VPS53: variants seen among roughly 807,000 people sequenced by gnomAD.
VPS53 encodes the protein VPS53 subunit of GARP complex, also known as vacuolar protein sorting-associated protein 53 homolog.
In VPS53, 70 loss-of-function variants were observed where a neutral mutation model predicts 107.0. The observed-to-expected ratio is 0.65, with a 90% confidence interval of 0.54 to 0.80. The LOEUF is 0.80. Among genes scored for constraint, VPS53 ranks in the 30% least tolerant of loss-of-function variants. VPS53 has a pLI of 0.00. For missense variants in VPS53, 917 were observed against 1,049.4 expected (o/e 0.87, Z 1.74); for synonymous variants, 409 against 393.3 (o/e 1.04, Z -0.47).
At chr17:654,746 A>AG (rs1270518677) in intron 6 of VPS53, among the ~76,000 whole-genome samples, 1 of 148,020 alleles carries the variant, frequency 6.8e-6, no homozygotes, top group Non-Finnish European at 1.5e-5. Flanking sequence ...CAAAAAAAAA[A>AG]AAAAAAAAGA....
At position 560,486 on chromosome 17, in the gene VPS53, C is replaced by T; in HGVS notation, c.1644G>A (p.Glu548=). ...GSEVAKFTLE[E]LCLICNILST... Reference sequence around the variant, plus strand: ...TCAGGATGTTACAGATGAGGCAGAGCTCCTCCAGAGTGAACTTGGCTACTT... The same window carrying T: ...TCAGGATGTTACAGATGAGGCAGAGTTCCTCCAGAGTGAACTTGGCTACTT... Residue 548 remains glutamate, a synonymous_variant, in exon 15 of 22, where the codon GAG becomes GAA. Transcript: ENST00000437048. 6.2e-7 allele frequency: 1 copy of T among 1,613,336 alleles called. No homozygotes were observed. Among genetic ancestry groups the T allele is most frequent in the Non-Finnish European group, 8.5e-7 (1 of 1,180,010 alleles).
intron 12 of VPS53, among the ~76,000 whole-genome samples, chr17:589,663 G>C (rs545780013): frequency 6.6e-6 from 1 of 152,180 alleles, no homozygotes; most frequent in Non-Finnish European, 1.5e-5. Context: ...AATGGGTACA[G>C]TGGCCTGGTG....
intron 19 of VPS53, 182 bp downstream of exon 19, chr17:532,660 C>G (rs1909684114): frequency 7.1e-7 from 1 of 1,399,858 alleles, no homozygotes; most frequent in African/African-American, 1.4e-5. Context: ...GGCGTTCAAA[C>G]AAAATTTTTA....
rs371555121 is a variant in VPS53 at position 679,298 on chromosome 17, G to A, written c.286-17403C>T. Among the ~76,000 whole-genome samples, 6 of 151,736 alleles carry A rather than the reference G, an allele frequency of 4.0e-5. 1 individual carries two copies. Among genetic ancestry groups the A allele is most frequent in the Admixed American group, 1.3e-4 (2 of 15,258 alleles). Reference sequence around the variant, plus strand: ...TGGGAGGCCGAGGCGCGCAGATCACGAGGTCAGGAGATTGAGACCATCCTG... The same window carrying A: ...TGGGAGGCCGAGGCGCGCAGATCACAAGGTCAGGAGATTGAGACCATCCTG... On this transcript the variant is annotated intron_variant, in intron 4 of 21. Coordinates refer to ENST00000437048, the MANE Select transcript of VPS53 (RefSeq NM_001128159.3).
chr17:565,912 A>G (rs985274307), intron 13 of VPS53, among the ~76,000 whole-genome samples: 1 of 152,212 alleles, frequency 6.6e-6, no homozygotes, highest in African/African-American at 2.4e-5. Flanking sequence ...CATATATTCA[A>G]GAAATAACCG....
intron 16 of VPS53, chr17:552,494 G>A (rs1475414748): frequency 6.5e-6 from 1 of 153,092 alleles, no homozygotes; most frequent in African/African-American, 2.4e-5. Context: ...ATACCACAAG[G>A]TCCTAACAGG....
intron 5 of VPS53, chr17:657,351 G>A (rs879106081): frequency 2.9e-5 from 22 of 764,806 alleles, no homozygotes; most frequent in African/African-American, 1.0e-4. Flanking sequence ...AGTTCGGACC[G>A]TGCCATCGAT....
chr17:644,433 G>A (rs1013927536), intron 7 of VPS53, among the ~76,000 whole-genome samples: 8 of 152,090 alleles, frequency 5.3e-5, no homozygotes, highest in African/African-American at 1.4e-4. Flanking sequence ...CCATCAGCAC[G>A]TAAACATAAG....
intron 13 of VPS53, among the ~76,000 whole-genome samples, chr17:566,259 G>A (rs139546736): frequency 5.9e-5 from 9 of 151,476 alleles, no homozygotes; most frequent in South Asian, 2.1e-4. Context: ...CCTGGGCCAC[G>A]GTAGGCAATG....
intron 13 of VPS53, among the ~76,000 whole-genome samples, chr17:570,886 A>G (rs1218893825): frequency 6.6e-6 from 1 of 152,178 alleles, no homozygotes; most frequent in Admixed American, 6.5e-5. Context: ...ATTAAGCAGT[A>G]ATGTTGTATC....
chr17:518,174 G>C lies in VPS53; in HGVS notation c.*954C>G, dbSNP rs1386726467. On this transcript the variant is annotated 3_prime_UTR_variant, in exon 22 of 22. Coordinates refer to ENST00000437048, the MANE Select transcript of VPS53 (RefSeq NM_001128159.3). ...GTTTCAAGGGAACCGAGTGAATCAG[G>C]GTTAACGGCTTGATATGCTGCCATT... The C allele has an allele frequency of 6.6e-6, 1 of 152,140 alleles. No individual in the cohort carries two copies. The highest frequency in any genetic ancestry group is 2.4e-5 in the African/African-American group (1 of 41,446). The allele number at this position is 152,140 out of a possible 1,614,324, so 9.4% of individuals were successfully genotyped here. A position where few individuals can be genotyped will look rare whatever the true frequency, so the allele number is the denominator to read the frequency against.
intron 19 of VPS53, 56 bp from the exon 20 acceptor site, chr17:521,794 G>C: frequency 1.4e-6 from 2 of 1,393,032 alleles, no homozygotes; most frequent in Admixed American, 2.8e-5. Context: ...AGTGCCGAGT[G>C]GACTCATGCC....
chr17:655,403 G>C (rs1376945330), intron 6 of VPS53, among the ~76,000 whole-genome samples: 1 of 152,174 alleles, frequency 6.6e-6, no homozygotes, highest in African/African-American at 2.4e-5. Flanking sequence ...CAGGAAACCT[G>C]CTGAGGCAGA....
chr17:619,269 T>G (rs1464665607), intron 11 of VPS53, among the ~76,000 whole-genome samples: 1 of 142,674 alleles, frequency 7.0e-6, no homozygotes, highest in East Asian at 2.1e-4. Context: ...ACTACACGTG[T>G]GCACCACCAC....
At chr17:557,856 T>TA (rs1912577358) in intron 15 of VPS53, among the ~76,000 whole-genome samples, 1 of 126,628 alleles carries the variant, frequency 7.9e-6, no homozygotes. Context: ...AAGGATTATC[T>TA]TTTTTTTTTT....
At chr17:616,935 T>C (rs1969163938) in intron 11 of VPS53, among the ~76,000 whole-genome samples, 1 of 152,184 alleles carries the variant, frequency 6.6e-6, no homozygotes, top group Non-Finnish European at 1.5e-5. Flanking sequence ...ACAGGGCCAT[T>C]TGTTCCTCTG....
chr17:560,975 G>A lies in VPS53; in HGVS notation c.1557-402C>T, dbSNP rs115678311. 5.2e-3 allele frequency among the ~76,000 whole-genome samples: 797 copies of A among 152,044 alleles called. 4 individuals carry two copies. The highest frequency in any genetic ancestry group is 0.017 in the African/African-American group (706 of 41,396). On this transcript the variant is annotated intron_variant, in intron 14 of 21. Coordinates refer to ENST00000437048, the MANE Select transcript of VPS53 (RefSeq NM_001128159.3). ...GTCTGCACTGGGACTCATGTGTGCT[G>A]GTGGAGGAGGACATAAGCGCATGTT...
chr17:629,062 T>G lies in VPS53; in HGVS notation c.688-831A>C, dbSNP rs549531359. On this transcript the variant is annotated intron_variant, in intron 8 of 21. Transcript: ENST00000437048. ...TGTAGCTTTGGAGCACTTGCTCACC[T>G]CATATGAAAAATAATAGACTTTAGG... 4.6e-5 allele frequency among the ~76,000 whole-genome samples: 7 copies of G among 152,346 alleles called. No individual in the cohort carries two copies. The East Asian group carries it at 1.3e-3, about 29-fold the overall frequency.
At chr17:692,195 C>T (rs1022660125) in intron 4 of VPS53, among the ~76,000 whole-genome samples, 2 of 152,110 alleles carry the variant, frequency 1.3e-5, no homozygotes, top group Non-Finnish European at 2.9e-5. Context: ...TCCTCTAACC[C>T]GCCCCTCTAT....
Sources: gnomAD v4.1 joint callset for allele counts (sites outside exome capture counted in the v4.1 genomes callset) on GRCh38, gnomAD v4.1.1 for gene constraint, MANE v1.5 for transcripts, NCBI Gene and HGNC (gene_info 2026-07-23, HGNC 2026-07-21) for gene names.